The following ITGA11 variants were observed in gnomAD, a reference collection of about 807,000 sequenced individuals.
ITGA11 encodes the protein integrin alpha-11.
Under a neutral mutation model 141.9 loss-of-function variants are expected in ITGA11, and 97 were observed. The observed-to-expected ratio is 0.68, with a 90% confidence interval of 0.58 to 0.81. The LOEUF is 0.81. Among genes scored for constraint, ITGA11 ranks in the 30% least tolerant of loss-of-function variants. The pLI, the probability that ITGA11 is intolerant of heterozygous loss-of-function variation, is 0.00. For synonymous variants in ITGA11, 658 were observed against 624.6 expected (o/e 1.05, Z -0.80); for missense variants, 1,387 against 1,559.2 (o/e 0.89, Z 1.86).
In ITGA11 at chr15:68,320,194, C is replaced by G. The variant is rs760385362; in HGVS notation, c.2607G>C (p.Leu869Phe). 3.1e-6 allele frequency: 5 copies of G among 1,613,864 alleles called. No homozygotes were observed. The highest frequency in any genetic ancestry group is 4.2e-6 in the Non-Finnish European group (5 of 1,179,884). ...SQSANLQFAS[L>F]IQKEDSDGSI... is the part of the protein sequence containing the mutation. ...GTCGCTGAGGTCTTACCTTCTGGAT[C>G]AAGCTGGCAAACTGCAGGTTTGCTG... The change falls in exon 20 of 30, where the codon TTG (leucine) becomes TTC (phenylalanine). Residue 869 changes from leucine (L) to phenylalanine (F), a missense_variant. Physicochemically the swap from Leu to Phe is conservative, Grantham distance 22. Transcript: ENST00000315757.
chr15:68,417,726 C>T (rs551206529), intron 1 of ITGA11, among the ~76,000 whole-genome samples: 4 of 152,198 alleles, frequency 2.6e-5, no homozygotes, highest in Non-Finnish European at 2.9e-5. Flanking sequence ...CAAGCTGTTT[C>T]CCACTTTGAG....
chr15:68,356,326 A>T (rs577649058), intron 7 of ITGA11, among the ~76,000 whole-genome samples: 1 of 151,062 alleles, frequency 6.6e-6, no homozygotes, highest in East Asian at 2.0e-4. Flanking sequence ...CTGGTCTCGA[A>T]CTCCTGAGCT....
rs762213243 is a variant in ITGA11 at position 68,311,372 on chromosome 15, C to T, written c.3005G>A (p.Gly1002Glu). Reference sequence around the variant, plus strand: ...GGGAATGGTGATCTTCATCATCATCCCGTGGATGGGGAACAAGCCCAAGTT... The same window carrying T: ...GGGAATGGTGATCTTCATCATCATCTCGTGGATGGGGAACAAGCCCAAGTT... ...IQNLGLFPIH[G>E]MMMKITIPIA... Residue 1002 changes from glycine (G) to glutamate (E), a missense_variant, in exon 25 of 30, where the codon GGG becomes GAG. Gly to Glu is a moderately conservative substitution (Grantham distance 98). Coordinates refer to ENST00000315757, the MANE Select transcript of ITGA11 (RefSeq NM_001004439.2). The T allele has an allele frequency of 7.6e-6, 12 of 1,570,796 alleles. No individual in the cohort carries two copies. Among genetic ancestry groups the T allele is most frequent in the Admixed American group, 1.9e-5 (1 of 54,012 alleles).
At chr15:68,427,261 T>C (rs1004525809) in intron 1 of ITGA11, among the ~76,000 whole-genome samples, 1 of 152,164 alleles carries the variant, frequency 6.6e-6, no homozygotes, top group Admixed American at 6.5e-5. Flanking sequence ...TAATAATGCT[T>C]CTGTTAGCTG....
chr15:68,340,630 C>A (rs529431661), intron 10 of ITGA11, among the ~76,000 whole-genome samples: 1 of 152,062 alleles, frequency 6.6e-6, no homozygotes, highest in Non-Finnish European at 1.5e-5. Flanking sequence ...CCACCAGTTG[C>A]AGGACAAGGG....
At chr15:68,364,525 C>T (rs752994359) in intron 4 of ITGA11, among the ~76,000 whole-genome samples, 182 bp downstream of exon 4, 10 of 152,202 alleles carry the variant, frequency 6.6e-5, no homozygotes, top group Non-Finnish European at 1.0e-4. Context: ...CCCGGAATGG[C>T]ATAAGCAGGG....
chr15:68,311,155 A>G (rs2140272002), intron 25 of ITGA11, 75 bp from the exon 26 acceptor site: 47 of 1,361,988 alleles, frequency 3.5e-5, no homozygotes, highest in Non-Finnish European at 4.7e-5. Flanking sequence ...GATCCCAGAG[A>G]GGTTTCTTTT....
chr15:68,335,930 G>A lies in ITGA11; in HGVS notation c.1277-85C>T, dbSNP rs941875296. ...CCCGGTGCATGGCTTGGCAGTGCCA[G>A]AGGATGGGCCAGTGATGGGGTAGGT... On this transcript the variant is annotated intron_variant, in intron 11 of 29. Transcript: ENST00000315757. The surrounding 1 kb of genome is among the most constrained non-coding windows in gnomAD (Gnocchi z 4.9). The A allele has an allele frequency of 7.4e-6, 11 of 1,484,044 alleles. No individual in the cohort carries two copies. In the Admixed American group the frequency reaches 2.2e-4, roughly 29 times the overall value. 91.9% of individuals were successfully genotyped at this position (1,484,044 alleles called of 1,614,324 possible). A position where few individuals can be genotyped will look rare whatever the true frequency, so the allele number is the denominator to read the frequency against.
intron 3 of ITGA11, chr15:68,365,039 A>G (rs558847401): frequency 4.0e-5 from 27 of 668,526 alleles, no homozygotes; most frequent in South Asian, 6.6e-5. Context: ...TCACACAGTG[A>G]GCACTCACCG....
chr15:68,412,993 G>T (rs1295442859), intron 1 of ITGA11, among the ~76,000 whole-genome samples: 1 of 152,084 alleles, frequency 6.6e-6, no homozygotes, highest in Non-Finnish European at 1.5e-5. Flanking sequence ...TTATCTTTAA[G>T]AACAAGCAGG....
chr15:68,381,722 A>C (rs941240333), intron 2 of ITGA11, among the ~76,000 whole-genome samples: 11 of 152,064 alleles, frequency 7.2e-5, no homozygotes, highest in African/African-American at 1.4e-4. Flanking sequence ...TGCCCAACTA[A>C]ATTTTGTATT....
intron 10 of ITGA11, among the ~76,000 whole-genome samples, chr15:68,345,685 G>C (rs1894722717): frequency 2.6e-5 from 4 of 152,220 alleles, no homozygotes; most frequent in Admixed American, 2.0e-4. Context: ...GAGACCATCT[G>C]TGGCGCTTCT....
chr15:68,350,553 CTA>C (rs1894873656), intron 9 of ITGA11, 62 bp downstream of exon 9: 1 of 1,502,294 alleles, frequency 6.7e-7, no homozygotes, highest in Non-Finnish European at 9.1e-7. Flanking sequence ...GGTTTGTGCT[CTA>C]CGGGGTTTAC....
At chr15:68,318,713 G>A (rs60103704) in intron 20 of ITGA11, among the ~76,000 whole-genome samples, 13,754 of 152,042 alleles carry the variant, frequency 0.09, 666 homozygotes, top group Non-Finnish European at 0.11. Context: ...CTGCTCCTGT[G>A]TGTGTGGCAA....
In ITGA11 at chr15:68,322,907, G is replaced by A. The variant is rs1893857901; in HGVS notation, c.2323-1404C>T. 6.6e-6 allele frequency among the ~76,000 whole-genome samples: 1 copy of A among 151,476 alleles called. No individual in the cohort carries two copies. ...GGTTAAGTGAGAAGTTCAGTGTGCG[G>A]CATGTTGAGTTTGAAGTGCCTGTGG... On this transcript the variant is annotated intron_variant, in intron 18 of 29. Coordinates refer to ENST00000315757, the MANE Select transcript of ITGA11 (RefSeq NM_001004439.2). This position sits in a 1 kb window ranked among gnomAD's most constrained non-coding sequence, Gnocchi z 5.6.
In ITGA11 at chr15:68,407,017, C is replaced by T. The variant is rs961915014; in HGVS notation, c.53-3988G>A. Among the ~76,000 whole-genome samples the T allele has an allele frequency of 2.7e-4, 41 of 152,160 alleles. 1 individual carries two copies. Among genetic ancestry groups the T allele is most frequent in the African/African-American group, 9.7e-4 (40 of 41,424 alleles). The stretch of plus-strand genomic sequence containing the variant: ...GCTTGGGGTGCCGGGGTGATGTGTT[C>T]TCTTCCCTCCCTAGATCAGTTTTTC... On this transcript the variant is annotated intron_variant, in intron 1 of 29. Transcript: ENST00000315757.
In ITGA11 at chr15:68,304,235, C is replaced by G. The variant is rs68069953; in HGVS notation, c.3382-350G>C. On this transcript the variant is annotated intron_variant, in intron 28 of 29. Transcript: ENST00000315757. The surrounding 1 kb of genome is among the most constrained non-coding windows in gnomAD (Gnocchi z 6.1). Reference sequence around the variant, plus strand: ...CTCCCGCACTTCTAAAGGTCAGTGTCTCCCACGGTTCAGTCCTTGCACCTC... The same window carrying G: ...CTCCCGCACTTCTAAAGGTCAGTGTGTCCCACGGTTCAGTCCTTGCACCTC... Among the ~76,000 whole-genome samples, 52,348 of 152,096 alleles carry G rather than the reference C, an allele frequency of 0.34. 9,702 individuals carry two copies. The highest frequency in any genetic ancestry group is 0.44 in the African/African-American group (18,265 of 41,458).
chr15:68,388,425 G>T (rs1896037071), intron 2 of ITGA11, among the ~76,000 whole-genome samples: 1 of 151,702 alleles, frequency 6.6e-6, no homozygotes, highest in African/African-American at 2.4e-5. Flanking sequence ...GTATAAAGTT[G>T]AGCCCTCAAT....
chr15:68,380,923 T>C (rs1342649295), intron 2 of ITGA11, among the ~76,000 whole-genome samples: 1 of 152,162 alleles, frequency 6.6e-6, no homozygotes, highest in East Asian at 1.9e-4. Context: ...AGACAGACGG[T>C]TGGATGCCTA....
Sources: gnomAD v4.1 joint callset for allele counts (sites outside exome capture counted in the v4.1 genomes callset) on GRCh38, gnomAD v4.1.1 for gene constraint, Gnocchi (gnomAD v3.1) non-coding constraint, MANE v1.5 for transcripts, NCBI Gene and HGNC (gene_info 2026-07-23, HGNC 2026-07-21) for gene names.